WDR11: variants seen among roughly 807,000 people sequenced by gnomAD.
The protein encoded by WDR11 is WD repeat-containing protein 11.
WDR11 carries 83 observed loss-of-function variants against 151.2 expected under a neutral mutation model. That is an observed-to-expected ratio of 0.55 (90% CI 0.46 to 0.66). The LOEUF is 0.66. Among genes scored for constraint, WDR11 ranks in the 30% least tolerant of loss-of-function variants. The pLI is 0.00. For synonymous variants in WDR11, 484 were observed against 533.1 expected (o/e 0.91, Z 1.27); for missense variants, 1,301 against 1,480.9 (o/e 0.88, Z 1.99).
In WDR11 at chr10:120,904,871, A is replaced by G. The variant is rs1027221881; in HGVS notation, c.3193+60A>G. On this transcript the variant is annotated intron_variant, in intron 25 of 28. Transcript: ENST00000263461. ...AAAAATGAGACCTTGTTCCCAGCAA[A>G]GTATCTGATTAGTAGGGACATTTCT... 3.1e-6 allele frequency: 5 copies of G among 1,589,008 alleles called. No homozygotes were observed. The African/African-American group carries it at 5.4e-5, about 17-fold the overall frequency.
chr10:120,909,000 A>AT lies in WDR11; in HGVS notation c.*294dup. 5.2e-6 allele frequency: 2 copies of AT among 387,352 alleles called. No homozygotes were observed. The highest frequency in any genetic ancestry group is 6.6e-5 in the South Asian group (2 of 30,186). The allele number at this position is 387,352 out of a possible 1,614,324, so 24.0% of individuals were successfully genotyped here. A position where few individuals can be genotyped will look rare whatever the true frequency, so the allele number is the denominator to read the frequency against. On this transcript the variant is annotated 3_prime_UTR_variant, in exon 29 of 29. Transcript: ENST00000263461. ...TAAGAGTCCCTGGAAATACTTTTTA[A>AT]TTTTTTTAACTTAAAATTCAAGAGA...
intron 23 of WDR11, among the ~76,000 whole-genome samples, 177 bp from the exon 24 acceptor site, chr10:120,903,870 T>C (rs1395416806): frequency 6.6e-6 from 1 of 152,192 alleles, no homozygotes; most frequent in Non-Finnish European, 1.5e-5. Flanking sequence ...ATAATATCTA[T>C]CAACATTTTT....
intron 19 of WDR11, among the ~76,000 whole-genome samples, chr10:120,895,049 G>A (rs963198804): frequency 2.6e-5 from 4 of 152,150 alleles, no homozygotes; most frequent in African/African-American, 9.7e-5. Flanking sequence ...CTTTTATTCA[G>A]ACTTGGTAAA....
At chr10:120,903,974 AAGTACAGT>A in intron 23 of WDR11, 65 bp from the exon 24 acceptor site, 1 of 994,754 alleles carries the variant, frequency 1.0e-6, no homozygotes, top group Non-Finnish European at 1.6e-6. Flanking sequence ...TGATCTTATT[AAGTACAGT>A]AAAATTTAAA....
chr10:120,861,601 G>A (rs1445833579), intron 4 of WDR11, among the ~76,000 whole-genome samples: 2 of 152,214 alleles, frequency 1.3e-5, no homozygotes, highest in Non-Finnish European at 2.9e-5. Context: ...GTTGATGAAA[G>A]CATTGTGTGT....
intron 13 of WDR11, 100 bp from the exon 14 acceptor site, chr10:120,883,680 C>A (rs181144549): frequency 1.1e-6 from 1 of 916,036 alleles, no homozygotes; most frequent in South Asian, 1.4e-5. Flanking sequence ...ATTTAGAATG[C>A]GTCAGCTGAG....
intron 11 of WDR11, among the ~76,000 whole-genome samples, chr10:120,876,430 A>G (rs2133767953): frequency 6.6e-6 from 1 of 152,272 alleles, no homozygotes; most frequent in East Asian, 1.9e-4. Flanking sequence ...GCATCTCCCC[A>G]GATACATTTA....
intron 11 of WDR11, among the ~76,000 whole-genome samples, chr10:120,875,799 C>A (rs1362428869): frequency 1.4e-5 from 2 of 146,696 alleles, no homozygotes; most frequent in African/African-American, 5.2e-5. Context: ...GCCACCACCC[C>A]CAGCCAGTTT....
chr10:120,861,231 G>A (rs1846125988), intron 4 of WDR11, among the ~76,000 whole-genome samples: 1 of 152,172 alleles, frequency 6.6e-6, no homozygotes, highest in Admixed American at 6.5e-5. Context: ...ATTGAGGGGT[G>A]TGTGTGTGTC....
intron 4 of WDR11, among the ~76,000 whole-genome samples, 190 bp downstream of exon 4, chr10:120,860,472 G>A (rs1413313983): frequency 6.6e-6 from 1 of 152,128 alleles, no homozygotes; most frequent in Non-Finnish European, 1.5e-5. Context: ...TCATATCATT[G>A]CAAATATGAT....
intron 5 of WDR11, among the ~76,000 whole-genome samples, chr10:120,863,427 T>C (rs1170195305): frequency 1.3e-5 from 2 of 152,182 alleles, no homozygotes; most frequent in Non-Finnish European, 2.9e-5. Context: ...TACTCAAATT[T>C]CTCTCTCCCA....
intron 19 of WDR11, among the ~76,000 whole-genome samples, chr10:120,899,676 C>T (rs1163842652): frequency 4.6e-5 from 7 of 151,696 alleles, no homozygotes; most frequent in Admixed American, 1.3e-4. Context: ...CCAGTTACTT[C>T]GGAGGCTGAG....
intron 19 of WDR11, among the ~76,000 whole-genome samples, chr10:120,891,417 A>C (rs1847425700): frequency 6.6e-6 from 1 of 152,092 alleles, no homozygotes; most frequent in Admixed American, 6.6e-5. Flanking sequence ...ATTGCTTTTT[A>C]CCAGAATAAA....
intron 6 of WDR11, 55 bp from the exon 7 acceptor site, chr10:120,865,575 A>G (rs1324265898): frequency 3.3e-6 from 4 of 1,213,836 alleles, no homozygotes; most frequent in Admixed American, 3.8e-5. Context: ...GTTTCACAGT[A>G]TATACTTTAT....
intron 16 of WDR11, among the ~76,000 whole-genome samples, chr10:120,887,542 A>T (rs1207611426): frequency 1.3e-5 from 2 of 152,206 alleles, no homozygotes; most frequent in Non-Finnish European, 2.9e-5. Flanking sequence ...CAACCCCCAT[A>T]ATTTTATAGG....
At chr10:120,895,719 C>G (rs1328536718) in intron 19 of WDR11, among the ~76,000 whole-genome samples, 2 of 151,802 alleles carry the variant, frequency 1.3e-5, no homozygotes, top group African/African-American at 4.8e-5. Flanking sequence ...ATTTGACCTC[C>G]TACTGGTAAG....
Position 120,874,195 on chromosome 10 carries a change from TGTTGTTGTTGTTG to T in WDR11, c.1556+273_1556+285del, listed in dbSNP as rs1564703256. ...TTTGCAGTTTTTTTTTTTTTTTTGT[TGTTGTTGTTGTTG>T]TTTGTTTTGTTTTGTTTTGTTTTTT... On this transcript the variant is annotated intron_variant, in intron 11 of 28. Transcript: ENST00000263461. Among the ~76,000 whole-genome samples, 2,153 of 107,414 alleles carry T rather than the reference TGTTGTTGTTGTTG, an allele frequency of 0.02. 103 individuals are homozygous for T. Among genetic ancestry groups the T allele is most frequent in the Middle Eastern group, 0.067 (15 of 224 alleles). The allele number at this position is 107,414 out of a possible 152,430, so 70.5% of individuals were successfully genotyped here.
In WDR11 at chr10:120,866,655, A is replaced by G. The variant is rs764613554; in HGVS notation, c.1081A>G (p.Met361Val). 3.7e-5 allele frequency: 59 copies of G among 1,614,082 alleles called. 1 individual carries two copies. In the Admixed American group the frequency reaches 6.7e-4, roughly 18 times the overall value. The change falls in exon 8 of 29, where the codon ATG becomes GTG. Residue 361 changes from methionine to valine, a missense_variant. Met to Val is a conservative substitution (Grantham distance 21). Coordinates refer to ENST00000263461, the MANE Select transcript of WDR11 (RefSeq NM_018117.12). ...RVTKTVRPFS[M>V]VCCPVNENAA... ...GACAAAAACCGTCCGTCCCTTCAGT[A>G]TGGTGTGCTGTCCTGTCAATGAGAA...
rs1847353816 is a variant in WDR11, at chr10:120,889,758, C to T, written c.2229-137C>T. ...GCAGGCCCTTTCTGTCAGATGTGGC[C>T]CCCAGTCCCAGCAAGTAAAGGGTTC... On this transcript the variant is annotated intron_variant, in intron 17 of 28. Coordinates refer to ENST00000263461, the MANE Select transcript of WDR11 (RefSeq NM_018117.12). The T allele has an allele frequency of 4.2e-6, 3 of 713,210 alleles. No individual in the cohort carries two copies. The East Asian group carries it at 8.2e-5, about 19-fold the overall frequency. 44.2% of individuals were successfully genotyped at this position (713,210 alleles called of 1,614,324 possible). A position where few individuals can be genotyped will look rare whatever the true frequency, so the allele number is the denominator to read the frequency against.
Sources: gnomAD v4.1 joint callset for allele counts (sites outside exome capture counted in the v4.1 genomes callset) on GRCh38, gnomAD v4.1.1 for gene constraint, MANE v1.5 for transcripts, NCBI Gene and HGNC (gene_info 2026-07-23, HGNC 2026-07-21) for gene names.